The following PSMB7 variants were observed in gnomAD, a reference collection of about 807,000 sequenced individuals.
PSMB7 encodes proteasome subunit beta type-7.
In PSMB7, 5 loss-of-function variants were observed where a neutral mutation model predicts 28.1. The ratio of observed to expected loss-of-function variants is 0.18; its 90% CI spans 0.09 to 0.37. The LOEUF is 0.37. Ranked by LOEUF, PSMB7 falls within the 10% of genes least tolerant of loss-of-function variation. The probability of loss-of-function intolerance (pLI) is 1.00; values close to 1 mark genes in which losing one functional copy is unlikely to be tolerated. For missense variants in PSMB7, 275 were observed against 346.2 expected (o/e 0.79, Z 1.63); for synonymous variants, 122 against 123.7 (o/e 0.99, Z 0.09).
chr9:124,408,466 A>G (rs1295361053), intron 4 of PSMB7, among the ~76,000 whole-genome samples: 1 of 152,216 alleles, frequency 6.6e-6, no homozygotes, highest in African/African-American at 2.4e-5. Flanking sequence ...GTTGTAACAT[A>G]GCCACAAAAC....
chr9:124,406,284 C>G (rs1830962305), intron 4 of PSMB7, among the ~76,000 whole-genome samples: 1 of 152,014 alleles, frequency 6.6e-6, no homozygotes, highest in Non-Finnish European at 1.5e-5. Flanking sequence ...GGGCAAATCA[C>G]TTGAGTCCAG....
chr9:124,376,999 A>G (rs1196398352), intron 6 of PSMB7, among the ~76,000 whole-genome samples: 2 of 152,258 alleles, frequency 1.3e-5, no homozygotes, highest in Admixed American at 6.5e-5. Flanking sequence ...TCAGATAAGA[A>G]GGCCTGTATC....
chr9:124,407,155 T>A (rs1830974618), intron 4 of PSMB7, among the ~76,000 whole-genome samples: 1 of 152,176 alleles, frequency 6.6e-6, no homozygotes, highest in African/African-American at 2.4e-5. Flanking sequence ...ATACTGAATT[T>A]GCCAAACGAT....
rs769956917 is a variant in PSMB7, at chr9:124,384,672, G to A, written c.512-16C>T. The A allele has an allele frequency of 6.2e-7, 1 of 1,612,706 alleles. No individual in the cohort carries two copies. Reference sequence around the variant, plus strand: ...GAGCCAGAACCTGCAAGAAAAAGGTGCACTTTTAGTGTATTTTATGATATC... The same window carrying A: ...GAGCCAGAACCTGCAAGAAAAAGGTACACTTTTAGTGTATTTTATGATATC... On this transcript the variant is annotated splice_polypyrimidine_tract_variant and intron_variant, in intron 5 of 7. Transcript: ENST00000259457.
At chr9:124,376,981 T>C (rs1178928657) in intron 6 of PSMB7, among the ~76,000 whole-genome samples, 1 of 152,250 alleles carries the variant, frequency 6.6e-6, no homozygotes, top group Non-Finnish European at 1.5e-5. Context: ...GTCTCCAATA[T>C]TACGCTTTCA....
At chr9:124,411,301 C>G (rs1396067686) in intron 4 of PSMB7, among the ~76,000 whole-genome samples, 1 of 152,138 alleles carries the variant, frequency 6.6e-6, no homozygotes, top group East Asian at 1.9e-4. Flanking sequence ...CAAATCTCCC[C>G]ATTTACAATT....
chr9:124,394,529 AG>A (rs1830822473), intron 5 of PSMB7, among the ~76,000 whole-genome samples: 2 of 152,202 alleles, frequency 1.3e-5, no homozygotes, highest in South Asian at 4.1e-4. Context: ...ACTTGGTTGT[AG>A]GCTGAGGACA....
chr9:124,411,864 A>G (rs1448776168), intron 4 of PSMB7, among the ~76,000 whole-genome samples: 1 of 152,182 alleles, frequency 6.6e-6, no homozygotes, highest in Non-Finnish European at 1.5e-5. Flanking sequence ...CCTGGAACAG[A>G]GTAAGAGGTA....
At chr9:124,385,411 G>A (rs555641449) in intron 5 of PSMB7, among the ~76,000 whole-genome samples, 6 of 152,320 alleles carry the variant, frequency 3.9e-5, no homozygotes, top group South Asian at 2.1e-4. Context: ...ACAAATAAGC[G>A]TGGGCTCCCT....
At chr9:124,415,199 G>C (rs920709086) in intron 1 of PSMB7, 165 bp downstream of exon 1, 2 of 768,046 alleles carry the variant, frequency 2.6e-6, no homozygotes, top group African/African-American at 1.8e-5. Context: ...GGCTTCAGGA[G>C]AAACCCACGC....
chr9:124,384,608 G>A lies in PSMB7; in HGVS notation c.560C>T (p.Pro187Leu). Residue 187 changes from proline (P) to leucine (L), a missense_variant, in exon 6 of 8, where the codon CCA becomes CTA. By Grantham distance (98) the Pro-to-Leu change is moderately conservative. Coordinates refer to ENST00000259457, the MANE Select transcript of PSMB7 (RefSeq NM_002799.4). ...CAGGGACTTACATACCTCCATGTCT[G>A]GCCTAAACTTATCTTCAAATACAGC... is the stretch of plus-strand genomic sequence containing the variant. ...AMAVFEDKFRPDMEEEEAKNL... is the reference protein window; with the variant it reads ...AMAVFEDKFRLDMEEEEAKNL... 6.2e-7 allele frequency: 1 copy of A among 1,613,350 alleles called. No homozygotes were observed. The highest frequency in any genetic ancestry group is 2.2e-5 in the East Asian group (1 of 44,860).
chr9:124,365,855 C>T (rs1830502047), intron 6 of PSMB7, among the ~76,000 whole-genome samples: 1 of 152,070 alleles, frequency 6.6e-6, no homozygotes, highest in South Asian at 2.1e-4. Context: ...GTTCAGGTTG[C>T]AGTGAGCTGT....
At chr9:124,410,726 G>A (rs1831019932) in intron 4 of PSMB7, among the ~76,000 whole-genome samples, 1 of 152,162 alleles carries the variant, frequency 6.6e-6, no homozygotes, top group South Asian at 2.1e-4. Context: ...TTTGTAAAAT[G>A]GGAACTATAC....
chr9:124,398,820 T>C (rs1381472956), intron 5 of PSMB7, among the ~76,000 whole-genome samples: 5 of 152,202 alleles, frequency 3.3e-5, no homozygotes, highest in Admixed American at 2.0e-4. Context: ...TTGTCACTTA[T>C]GGGGCTGAGT....
Position 124,415,394 on chromosome 9 carries a change from A to G in PSMB7, c.32T>C (p.Val11Ala), listed in dbSNP as rs1248768285. Residue 11 changes from valine to alanine, a missense_variant, in exon 1 of 8, where the codon GTT becomes GCT. Coordinates refer to ENST00000259457, the MANE Select transcript of PSMB7 (RefSeq NM_002799.4). The stretch of plus-strand genomic sequence containing the variant: ...GCAGTTATCAAAAGAGAAGCCTCCA[A>G]CTGGTGGAGCATACACCGACACAGC... MAAVSVYAPPVGGFSFDNCRR... is the reference protein window; with the variant it reads MAAVSVYAPPAGGFSFDNCRR... 14 of 1,614,140 alleles carry G rather than the reference A, an allele frequency of 8.7e-6. No homozygotes were observed. The highest frequency in any genetic ancestry group is 1.2e-5 in the Non-Finnish European group (14 of 1,180,022).
intron 5 of PSMB7, among the ~76,000 whole-genome samples, chr9:124,400,170 C>T (rs1033731667): frequency 6.6e-6 from 1 of 152,178 alleles, no homozygotes; most frequent in African/African-American, 2.4e-5. Flanking sequence ...CTTAACCACA[C>T]GGAGCCCTTG....
chr9:124,372,073 C>T (rs1830568902), intron 6 of PSMB7, among the ~76,000 whole-genome samples: 1 of 152,210 alleles, frequency 6.6e-6, no homozygotes. Flanking sequence ...ACAAATGGAA[C>T]ACCTGCTCCA....
chr9:124,374,538 C>T (rs959415610), intron 6 of PSMB7, among the ~76,000 whole-genome samples: 3 of 152,184 alleles, frequency 2.0e-5, no homozygotes, highest in African/African-American at 4.8e-5. Flanking sequence ...TTTTTTAAAG[C>T]TAAGACACCA....
intron 5 of PSMB7, among the ~76,000 whole-genome samples, chr9:124,397,404 TCA>T (rs1456329296): frequency 1.3e-5 from 2 of 152,222 alleles, no homozygotes; most frequent in African/African-American, 2.4e-5. Flanking sequence ...AGGCCAGTCC[TCA>T]GAGAGTCCTG....
Sources: allele counts gnomAD v4.1 joint callset (sites outside exome capture counted in the v4.1 genomes callset), GRCh38; gene constraint gnomAD v4.1.1; transcripts MANE v1.5; gene names NCBI Gene and HGNC (gene_info 2026-07-23, HGNC 2026-07-21).